Variants in TNIP1 observed in about 807,000 individuals in gnomAD.
TNIP1 encodes TNFAIP3 interacting protein 1.
TNIP1 carries 22 observed loss-of-function variants against 86.6 expected under a neutral mutation model. The observed-to-expected ratio is 0.25, with a 90% CI of 0.18 to 0.36. TNIP1 has a LOEUF of 0.36. Among genes scored for constraint, TNIP1 ranks in the 10% least tolerant of loss-of-function variants. TNIP1 has a pLI of 1.00. For synonymous variants in TNIP1, 294 were observed against 313.0 expected (o/e 0.94, Z 0.64); for missense variants, 709 against 820.6 (o/e 0.86, Z 1.66).
chr5:151,077,171 T>TA (rs1311583236), intron 1 of TNIP1, among the ~76,000 whole-genome samples: 9 of 152,158 alleles, frequency 5.9e-5, no homozygotes, highest in African/African-American at 2.2e-4. Flanking sequence ...GTGATTGAAA[T>TA]AGAGAGTGTA....
intron 11 of TNIP1, 27 bp from the exon 12 acceptor site, chr5:151,039,252 T>C: frequency 6.2e-7 from 1 of 1,602,522 alleles, no homozygotes; most frequent in Non-Finnish European, 8.5e-7. Context: ...GTTGGTAAGC[T>C]GGCTAGGATG....
At chr5:151,076,776 G>T (rs1373122217) in intron 1 of TNIP1, among the ~76,000 whole-genome samples, 1 of 152,224 alleles carries the variant, frequency 6.6e-6, no homozygotes, top group Non-Finnish European at 1.5e-5. Flanking sequence ...ACTGGAAGGG[G>T]CTGCCTACGA....
In TNIP1 at chr5:151,062,204, A is replaced by C. The variant is rs1479187939; in HGVS notation, c.280T>G (p.Ser94Ala). The change falls in exon 4 of 18, where the codon TCA becomes GCA. Residue 94 changes from serine to alanine, a missense_variant. By Grantham distance (99) the Ser-to-Ala change is moderately conservative. Transcript: ENST00000521591. ...DPLAELTGKD[S>A]NVTASPTAPA... The stretch of plus-strand genomic sequence containing the variant: ...GCTGTGGGAGATGCTGTGACATTTG[A>C]GTCCTTTCCTGGAGAATCAAGAAAG... 4 of 1,614,032 alleles carry C rather than the reference A, an allele frequency of 2.5e-6. No individual in the cohort carries two copies. Among genetic ancestry groups the C allele is most frequent in the South Asian group, 1.1e-5 (1 of 91,068 alleles).
chr5:151,066,687 T>C (rs1475079691), intron 1 of TNIP1, among the ~76,000 whole-genome samples: 3 of 152,220 alleles, frequency 2.0e-5, no homozygotes, highest in African/African-American at 7.2e-5. Context: ...ACATGCATAC[T>C]AATCTCATCT....
chr5:151,038,994 GT>G (rs1758058733), intron 12 of TNIP1, 102 bp downstream of exon 12: 1 of 1,460,344 alleles, frequency 6.8e-7, no homozygotes, highest in African/African-American at 1.4e-5. Context: ...CTGACTGGGG[GT>G]TACCCTTCCT....
At chr5:151,043,805 A>C (rs577711114) in intron 9 of TNIP1, among the ~76,000 whole-genome samples, 1 of 152,002 alleles carries the variant, frequency 6.6e-6, no homozygotes, top group African/African-American at 2.4e-5. Flanking sequence ...AAAAAAGAAA[A>C]CAGAAAATAA....
At chr5:151,060,728 C>A (rs1357348836) in intron 4 of TNIP1, among the ~76,000 whole-genome samples, 1 of 152,210 alleles carries the variant, frequency 6.6e-6, no homozygotes, top group African/African-American at 2.4e-5. Context: ...TCCATTATTT[C>A]TCAGGGTGAC....
chr5:151,047,184 C>A (rs1759285206), intron 8 of TNIP1, among the ~76,000 whole-genome samples: 1 of 152,142 alleles, frequency 6.6e-6, no homozygotes, highest in Admixed American at 6.5e-5. Flanking sequence ...CATCATGTAC[C>A]CCTGGTCTGC....
At position 151,074,720 on chromosome 5, in the gene TNIP1, T is replaced by C. The variant is rs77513845; in HGVS notation, c.-37+6160A>G. ...TGAAGAGAAAAATGAATAAATACAT[T>C]GTGGCAATTTCCTATCAGGAAATAC... On this transcript the variant is annotated intron_variant, in intron 1 of 17. Coordinates refer to ENST00000521591, the MANE Select transcript of TNIP1 (RefSeq NM_006058.5). Among the ~76,000 whole-genome samples the C allele has an allele frequency of 1.9e-3, 290 of 152,272 alleles. 6 individuals carry two copies. In the East Asian group the frequency reaches 0.039, roughly 21 times the overall value.
At position 151,052,265 on chromosome 5, in the gene TNIP1, G is replaced by T. The variant is rs1760038771; in HGVS notation, c.628-6C>A. The T allele has an allele frequency of 6.2e-7, 1 of 1,612,450 alleles. No individual in the cohort carries two copies. The highest frequency in any genetic ancestry group is 1.7e-5 in the Admixed American group (1 of 59,898). ...CGAAGCTGCTCACACAGGGTCTGTG[G>T]GGCAGGGGAACAGACAGGGTGAGGG... On this transcript the variant is annotated splice_polypyrimidine_tract_variant and splice_region_variant and intron_variant, in intron 6 of 17. Coordinates refer to ENST00000521591, the MANE Select transcript of TNIP1 (RefSeq NM_006058.5).
rs189381417 is a variant in TNIP1, at chr5:151,077,816, C to A, written c.-37+3064G>T. Among the ~76,000 whole-genome samples the A allele has an allele frequency of 4.7e-3, 722 of 152,338 alleles. 5 individuals are homozygous for A. Among genetic ancestry groups the A allele is most frequent in the African/African-American group, 0.017 (695 of 41,574 alleles). The stretch of plus-strand genomic sequence containing the variant: ...CTGCTCTGACCATTTCCCAATGCTG[C>A]TAAGGAGAAAAATCAACATTTCTAT... On this transcript the variant is annotated intron_variant, in intron 1 of 17. Coordinates refer to ENST00000521591, the MANE Select transcript of TNIP1 (RefSeq NM_006058.5).
intron 1 of TNIP1, among the ~76,000 whole-genome samples, chr5:151,071,847 C>A (rs559518114): frequency 1.3e-5 from 2 of 152,276 alleles, no homozygotes; most frequent in Admixed American, 1.3e-4. Context: ...AGATTACACA[C>A]CACCCGCTAA....
At position 151,056,946 on chromosome 5, in the gene TNIP1, G is replaced by A. The variant is rs768070161; in HGVS notation, c.447C>T (p.Pro149=). Residue 149 remains proline, a synonymous_variant, in exon 6 of 18, where the codon CCC becomes CCT. Transcript: ENST00000521591. The stretch of plus-strand genomic sequence containing the variant: ...TCAGGTTGCCGTCCTCACGGGGCAG[G>A]GGGCCCAGCGCCTGGAGAGGGAAAG... ...SSHANAMALG[P]LPREDGNLML... is the part of the protein sequence containing the mutation. The A allele has an allele frequency of 6.6e-6, 10 of 1,524,552 alleles. No homozygotes were observed. The highest frequency in any genetic ancestry group is 4.0e-5 in the Admixed American group (2 of 49,694). 94.4% of individuals were successfully genotyped at this position (1,524,552 alleles called of 1,614,324 possible).
intron 5 of TNIP1, among the ~76,000 whole-genome samples, chr5:151,059,021 T>C (rs1215067090): frequency 2.0e-5 from 3 of 152,194 alleles, no homozygotes; most frequent in Non-Finnish European, 4.4e-5. Context: ...CCACTGCCTC[T>C]TTCCACAAAG....
chr5:151,069,540 G>C (rs1245203816), intron 1 of TNIP1, among the ~76,000 whole-genome samples: 2 of 152,146 alleles, frequency 1.3e-5, no homozygotes, highest in African/African-American at 4.8e-5. Context: ...CTGCATCCTG[G>C]GGCCAGCTAT....
chr5:151,045,301 G>T (rs1030007173), intron 9 of TNIP1, among the ~76,000 whole-genome samples: 1 of 152,174 alleles, frequency 6.6e-6, no homozygotes, highest in Non-Finnish European at 1.5e-5. Context: ...TGTTGGCCAG[G>T]TTGGTCCCGA....
chr5:151,068,567 A>G (rs1762496845), intron 1 of TNIP1, among the ~76,000 whole-genome samples: 2 of 152,166 alleles, frequency 1.3e-5, no homozygotes, highest in African/African-American at 4.8e-5. Context: ...ACTCCCCTCC[A>G]TGTGGCAGTA....
At position 151,056,898 on chromosome 5, in the gene TNIP1, C is replaced by T. The variant is rs753133765; in HGVS notation, c.495G>A (p.Glu165=). 5 of 1,597,230 alleles carry T rather than the reference C, an allele frequency of 3.1e-6. No individual in the cohort carries two copies. ...GNLMLHLQRL[E]TTLSVCAEEP... is the part of the protein sequence containing the mutation. ...CCTCGGCACACACACTCAGCGTGGTCTCCAGGCGCTGCAGGTGCAGCATCA... is the reference window on the plus strand; with the variant it reads ...CCTCGGCACACACACTCAGCGTGGTTTCCAGGCGCTGCAGGTGCAGCATCA... Residue 165 remains glutamate, a synonymous_variant, in exon 6 of 18, where the codon GAG becomes GAA. Coordinates refer to ENST00000521591, the MANE Select transcript of TNIP1 (RefSeq NM_006058.5).
chr5:151,062,347 T>C, intron 3 of TNIP1, 135 bp from the exon 4 acceptor site: 1 of 775,526 alleles, frequency 1.3e-6, no homozygotes, highest in Non-Finnish European at 2.2e-6. Flanking sequence ...TGGGAGGTGG[T>C]CTCATCAGGG....
Sources: allele counts gnomAD v4.1 joint callset (sites outside exome capture counted in the v4.1 genomes callset), GRCh38; gene constraint gnomAD v4.1.1; transcripts MANE v1.5; gene names NCBI Gene and HGNC (gene_info 2026-07-23, HGNC 2026-07-21).